CSMD3: variants seen among roughly 807,000 people sequenced by gnomAD.
CSMD3 encodes the protein CUB and Sushi multiple domains 3.
A neutral mutation model predicts 435.2 loss-of-function variants in CSMD3; 177 were observed. That is an observed-to-expected ratio of 0.41 (90% CI 0.36 to 0.46). CSMD3 has a LOEUF of 0.46. Among genes scored for constraint, CSMD3 ranks in the 20% least tolerant of loss-of-function variants. The pLI is 0.34. For missense variants in CSMD3, 4,265 were observed against 4,504.6 expected, an observed-to-expected ratio of 0.95 and a Z score of 1.52; for synonymous variants, 1,656 against 1,520.5, an observed-to-expected ratio of 1.09 and a Z score of -2.07.
intron 5 of CSMD3, among the ~76,000 whole-genome samples, chr8:113,078,722 GA>G (rs1419336196): frequency 6.6e-6 from 1 of 152,058 alleles, no homozygotes; most frequent in Non-Finnish European, 1.5e-5. Context: ...AAATTAGTTT[GA>G]AAATATTGCC....
At chr8:112,444,007 C>T (rs950459963) in intron 32 of CSMD3, among the ~76,000 whole-genome samples, 4 of 152,066 alleles carry the variant, frequency 2.6e-5, no homozygotes, top group Non-Finnish European at 4.4e-5. Context: ...CAGTAATTTT[C>T]TCAAATTCAT....
intron 3 of CSMD3, among the ~76,000 whole-genome samples, chr8:113,270,741 C>T (rs868717672): frequency 1.2e-4 from 18 of 151,616 alleles, no homozygotes; most frequent in African/African-American, 3.4e-4. Context: ...TACCAAACAC[C>T]GCATGTTCTC....
intron 4 of CSMD3, among the ~76,000 whole-genome samples, chr8:113,131,776 A>G (rs1448140031): frequency 1.3e-5 from 2 of 152,208 alleles, no homozygotes; most frequent in Admixed American, 6.5e-5. Context: ...TGGAAAAGCC[A>G]GAAACACTCA....
At chr8:112,880,056 A>C (rs1370808644) in intron 10 of CSMD3, among the ~76,000 whole-genome samples, 1 of 152,046 alleles carries the variant, frequency 6.6e-6, no homozygotes, top group African/African-American at 2.4e-5. Flanking sequence ...GTATCCCAGA[A>C]CTTAAAGTAT....
intron 3 of CSMD3, among the ~76,000 whole-genome samples, chr8:113,260,572 T>A (rs936482926): frequency 3.9e-5 from 6 of 152,176 alleles, no homozygotes; most frequent in Non-Finnish European, 8.8e-5. Context: ...CTGTGACATG[T>A]TAACTTGTTA....
intron 1 of CSMD3, among the ~76,000 whole-genome samples, chr8:113,315,729 A>AT (rs904759575): frequency 6.7e-5 from 10 of 149,260 alleles, no homozygotes; most frequent in African/African-American, 2.4e-4. Flanking sequence ...TTAAATATAT[A>AT]TTTTTTTGAG....
chr8:112,230,831 G>C (rs1813016795), intron 69 of CSMD3, among the ~76,000 whole-genome samples: 1 of 151,760 alleles, frequency 6.6e-6, no homozygotes, highest in Admixed American at 6.6e-5. Flanking sequence ...AAAAAAAAAA[G>C]TTCATTTCTT....
At chr8:112,373,226 T>C (rs1828611887) in intron 38 of CSMD3, among the ~76,000 whole-genome samples, 1 of 152,010 alleles carries the variant, frequency 6.6e-6, no homozygotes, top group South Asian at 2.1e-4. Flanking sequence ...ATAGAAAACC[T>C]TAAAGTGTTC....
chr8:112,742,553 C>T (rs2077336138), intron 13 of CSMD3, among the ~76,000 whole-genome samples: 1 of 151,762 alleles, frequency 6.6e-6, no homozygotes, highest in Admixed American at 6.6e-5. Context: ...TTATTTTTGC[C>T]TATCACTTGA....
At chr8:112,810,488 A>C (rs2079195725) in intron 12 of CSMD3, among the ~76,000 whole-genome samples, 1 of 152,148 alleles carries the variant, frequency 6.6e-6, no homozygotes, top group South Asian at 2.1e-4. Flanking sequence ...ATAGAAACAA[A>C]AGTAAATGTC....
intron 53 of CSMD3, 49 bp downstream of exon 53, chr8:112,301,744 G>T (rs2130755679): frequency 2.1e-6 from 3 of 1,401,136 alleles, no homozygotes; most frequent in Non-Finnish European, 3.0e-6. Context: ...CTCTTTTCAA[G>T]GGTGAGGGGC....
intron 9 of CSMD3, among the ~76,000 whole-genome samples, chr8:112,930,318 TG>T (rs1338439404): frequency 1.3e-5 from 2 of 152,124 alleles, no homozygotes; most frequent in Non-Finnish European, 2.9e-5. Flanking sequence ...TAAACCTATT[TG>T]TATCTAATTT....
At chr8:113,153,266 A>C (rs145121739) in intron 4 of CSMD3, among the ~76,000 whole-genome samples, 1 of 151,608 alleles carries the variant, frequency 6.6e-6, no homozygotes, top group African/African-American at 2.4e-5. Flanking sequence ...GGAAGGAAGG[A>C]AGGAAGGGAA....
At chr8:112,865,038 A>G (rs1268158388) in intron 10 of CSMD3, among the ~76,000 whole-genome samples, 2 of 152,178 alleles carry the variant, frequency 1.3e-5, no homozygotes, top group Admixed American at 6.5e-5. Context: ...AAATACTGCT[A>G]ACATCGATAG....
intron 27 of CSMD3, among the ~76,000 whole-genome samples, chr8:112,534,078 T>TA (rs1476638843): frequency 3.3e-5 from 5 of 151,890 alleles, no homozygotes; most frequent in South Asian, 2.1e-4. Flanking sequence ...GCAGGAAAGA[T>TA]AAAAAATTGA....
chr8:112,838,859 G>T (rs1324065302), intron 11 of CSMD3, among the ~76,000 whole-genome samples: 3 of 151,448 alleles, frequency 2.0e-5, no homozygotes, highest in Non-Finnish European at 4.4e-5. Context: ...AATATACAAA[G>T]GTAAACTTAT....
intron 1 of CSMD3, among the ~76,000 whole-genome samples, chr8:113,374,535 A>G (rs1482453989): frequency 2.0e-5 from 3 of 152,098 alleles, no homozygotes; most frequent in Non-Finnish European, 2.9e-5. Flanking sequence ...CTAATATTTA[A>G]TAAATGTGAA....
At chr8:112,656,403 C>T (rs2131663165) in intron 17 of CSMD3, 62 bp from the exon 18 acceptor site, 1 of 1,215,098 alleles carries the variant, frequency 8.2e-7, no homozygotes, top group South Asian at 1.4e-5. Flanking sequence ...GGAAATAATG[C>T]TTTGGACTGC....
intron 6 of CSMD3, among the ~76,000 whole-genome samples, chr8:112,993,273 T>C (rs1022761518): frequency 2.0e-5 from 3 of 151,832 alleles, no homozygotes; most frequent in African/African-American, 7.2e-5. Flanking sequence ...CCAGTGTAAT[T>C]GGCACAAATA....
Sources: gnomAD v4.1 joint callset for allele counts (sites outside exome capture counted in the v4.1 genomes callset) on GRCh38, gnomAD v4.1.1 for gene constraint, MANE v1.5 for transcripts, NCBI Gene and HGNC (gene_info 2026-07-23, HGNC 2026-07-21) for gene names.